LRP2: variants seen among roughly 807,000 people sequenced by gnomAD.
LRP2 encodes LDL receptor related protein 2, also known as low-density lipoprotein receptor-related protein 2.
LRP2 carries 172 observed loss-of-function variants against 531.0 expected under a neutral mutation model. The observed-to-expected ratio is 0.32, with a 90% CI of 0.29 to 0.37. The LOEUF is 0.37. Among genes scored for constraint, LRP2 ranks in the 10% least tolerant of loss-of-function variants. The pLI, the probability that LRP2 is intolerant of heterozygous loss-of-function variation, is 1.00. For missense variants in LRP2, 5,167 were observed against 5,868.3 expected (o/e 0.88, Z 3.90); for synonymous variants, 1,992 against 2,027.6 (o/e 0.98, Z 0.47).
chr2:169,205,335 C>A, intron 41 of LRP2, 144 bp downstream of exon 41: 1 of 870,248 alleles, frequency 1.1e-6, no homozygotes, highest in Non-Finnish European at 1.8e-6. Flanking sequence ...CCAATATAAA[C>A]ATAGTTCCTA....
chr2:169,341,544 A>T (rs1019783860), intron 1 of LRP2, among the ~76,000 whole-genome samples: 7 of 152,216 alleles, frequency 4.6e-5, no homozygotes, highest in Admixed American at 6.5e-5. Context: ...TAACTTGTCA[A>T]TATTCTACTA....
intron 17 of LRP2, among the ~76,000 whole-genome samples, chr2:169,257,859 T>TAA (rs11412926): frequency 1.5e-5 from 2 of 137,494 alleles, no homozygotes; most frequent in Admixed American, 7.1e-5. Flanking sequence ...CAAAAGAAAA[T>TAA]AAAAAAACAA....
intron 1 of LRP2, among the ~76,000 whole-genome samples, chr2:169,352,494 C>T (rs1451095146): frequency 6.6e-6 from 1 of 152,108 alleles, no homozygotes; most frequent in African/African-American, 2.4e-5. Context: ...AGTCTGTTTA[C>T]AAAACTGAAA....
Position 169,231,744 on chromosome 2 carries a change from G to A in LRP2, c.5197C>T (p.Leu1733=), listed in dbSNP as rs1463698522. The A allele has an allele frequency of 3.7e-6, 6 of 1,613,986 alleles. No individual in the cohort carries two copies. The highest frequency in any genetic ancestry group is 5.1e-6 in the Non-Finnish European group (6 of 1,180,002). The change falls in exon 31 of 79, where the codon CTG becomes TTG. Residue 1733 remains leucine, a synonymous_variant. Coordinates refer to ENST00000649046, the MANE Select transcript of LRP2 (RefSeq NM_004525.3). The part of the protein sequence containing the change: ...YSCVCPSGWS[L]SPDLLNCLRD... ...AAGCAATTCAGGAGATCAGGAGACAGACTCCATCCTGAAGGACAAACACAG... is the reference window on the plus strand; with the variant it reads ...AAGCAATTCAGGAGATCAGGAGACAAACTCCATCCTGAAGGACAAACACAG...
At chr2:169,298,828 C>T (rs1684197765) in intron 4 of LRP2, among the ~76,000 whole-genome samples, 1 of 151,630 alleles carries the variant, frequency 6.6e-6, no homozygotes, top group Non-Finnish European at 1.5e-5. Flanking sequence ...AAAAAACAGG[C>T]CATAAAGTTA....
chr2:169,342,781 TA>T (rs532666896), intron 1 of LRP2, among the ~76,000 whole-genome samples: 6 of 151,548 alleles, frequency 4.0e-5, no homozygotes, highest in Non-Finnish European at 5.9e-5. Flanking sequence ...CAGTTCCTGA[TA>T]AAAAAAAAGC....
Position 169,174,184 on chromosome 2 carries a change from G to C in LRP2, c.10769-20C>G, listed in dbSNP as rs1447703144. On this transcript the variant is annotated intron_variant, in intron 55 of 78. Transcript: ENST00000649046. ...GATTCTCTGAGAGCAGGGACATTTG[G>C]TTATCAGCTTGGAAGGCATCAAGAA... is the stretch of plus-strand genomic sequence containing the variant. 1.9e-6 allele frequency: 3 copies of C among 1,614,116 alleles called. No homozygotes were observed. In the South Asian group the frequency reaches 3.3e-5, roughly 18 times the overall value.
chr2:169,301,310 A>G (rs911944303), intron 4 of LRP2, among the ~76,000 whole-genome samples: 1 of 151,914 alleles, frequency 6.6e-6, no homozygotes, highest in Non-Finnish European at 1.5e-5. Flanking sequence ...CATTGTTCTG[A>G]TGTTTATCTT....
intron 7 of LRP2, among the ~76,000 whole-genome samples, chr2:169,291,260 T>C (rs1425472779): frequency 6.6e-6 from 1 of 152,194 alleles, no homozygotes; most frequent in African/African-American, 2.4e-5. Context: ...GATATGGGCC[T>C]CAATTATCGA....
chr2:169,134,691 C>G (rs1685429647), intron 76 of LRP2, among the ~76,000 whole-genome samples: 1 of 152,196 alleles, frequency 6.6e-6, no homozygotes, highest in East Asian at 1.9e-4. Flanking sequence ...TGCAAAGGGA[C>G]TACATGTCAG....
At position 169,176,431 on chromosome 2, in the gene LRP2, G is replaced by A; in HGVS notation, c.10551C>T (p.Phe3517=). 1 of 1,614,186 alleles carries A rather than the reference G, an allele frequency of 6.2e-7. No homozygotes were observed. The highest frequency in any genetic ancestry group is 8.5e-7 in the Non-Finnish European group (1 of 1,180,038). Residue 3517 remains phenylalanine (F), a synonymous_variant, in exon 54 of 79, where the codon TTC becomes TTT. Coordinates refer to ENST00000649046, the MANE Select transcript of LRP2 (RefSeq NM_004525.3). ...CTTACTTTTCATTGTTAGCGCACAGGAACTGGGTGCTGGAGCACATGGGCA... is the reference window on the plus strand; with the variant it reads ...CTTACTTTTCATTGTTAGCGCACAGAAACTGGGTGCTGGAGCACATGGGCA... The part of the protein sequence containing the change: ...YCMPMCSSTQ[F]LCANNEKCIP...
chr2:169,129,073 C>A lies in LRP2; in HGVS notation c.13740G>T (p.Trp4580Cys). The A allele has an allele frequency of 6.2e-7, 1 of 1,608,308 alleles. No homozygotes were observed. Among genetic ancestry groups the A allele is most frequent in the Non-Finnish European group, 8.5e-7 (1 of 1,174,798 alleles). ...GTTTAGATTTTCGTTTGAAGAGATT[C>A]CATTTTGTCACCTAAATGAAAAGGG... ...PAADGTQVTKWNLFKRKSKQT... is the reference protein window; with the variant it reads ...PAADGTQVTKCNLFKRKSKQT... The change falls in exon 78 of 79, where the codon TGG becomes TGT. Residue 4580 changes from tryptophan to cysteine, a missense_variant. Physicochemically the swap from Trp to Cys is radical, Grantham distance 215. Transcript: ENST00000649046.
At chr2:169,135,464 G>A (rs912861304) in intron 76 of LRP2, among the ~76,000 whole-genome samples, 2 of 152,202 alleles carry the variant, frequency 1.3e-5, no homozygotes, top group Non-Finnish European at 1.5e-5. Flanking sequence ...CCTCGGTTTG[G>A]CCTTCCCACC....
chr2:169,319,999 A>G (rs1684867631), intron 2 of LRP2, among the ~76,000 whole-genome samples: 2 of 152,226 alleles, frequency 1.3e-5, no homozygotes, highest in Non-Finnish European at 2.9e-5. Context: ...TTTTTGAAAG[A>G]TAACCCTCAT....
intron 29 of LRP2, among the ~76,000 whole-genome samples, chr2:169,235,515 A>G (rs777003880): frequency 1.4e-4 from 21 of 152,336 alleles, no homozygotes; most frequent in Non-Finnish European, 2.6e-4. Context: ...CTGGGATCAC[A>G]GGCGTGAGCC....
At chr2:169,315,729 G>A (rs1246032189) in intron 3 of LRP2, among the ~76,000 whole-genome samples, 1 of 151,054 alleles carries the variant, frequency 6.6e-6, no homozygotes, top group Non-Finnish European at 1.5e-5. Flanking sequence ...ATCAGCATCA[G>A]TGTCAGAGAG....
chr2:169,318,940 C>A, intron 2 of LRP2, 56 bp from the exon 3 acceptor site: 1 of 1,606,996 alleles, frequency 6.2e-7, no homozygotes, highest in Non-Finnish European at 8.5e-7. Flanking sequence ...ATTATACTAG[C>A]AAGCAATGCT....
chr2:169,343,081 A>G (rs556600874), intron 1 of LRP2, among the ~76,000 whole-genome samples: 2 of 152,178 alleles, frequency 1.3e-5, no homozygotes, highest in Non-Finnish European at 2.9e-5. Flanking sequence ...ACTCAGACCC[A>G]TGCTTCCATC....
chr2:169,151,897 TTCTTCAAAGATGC>T (rs1246252517), intron 67 of LRP2, among the ~76,000 whole-genome samples: 1 of 152,204 alleles, frequency 6.6e-6, no homozygotes, highest in Non-Finnish European at 1.5e-5. Context: ...CCCAATTAGC[TTCTTCAAAGATGC>T]TCTTCCAGGA....
Sources: allele counts gnomAD v4.1 joint callset (sites outside exome capture counted in the v4.1 genomes callset), GRCh38; gene constraint gnomAD v4.1.1; transcripts MANE v1.5; gene names NCBI Gene and HGNC (gene_info 2026-07-23, HGNC 2026-07-21).